Variants in CCDC77 observed in about 807,000 individuals in gnomAD.
CCDC77 encodes coiled-coil domain containing 77, also known as coiled-coil domain-containing protein 77.
In CCDC77, 56 loss-of-function variants were observed where a neutral mutation model predicts 66.8. The observed-to-expected ratio is 0.84, with a 90% confidence interval of 0.68 to 1.05. The LOEUF (loss-of-function observed/expected upper bound fraction) is 1.05, where lower values mean the gene tolerates loss of function less well. Ranked by LOEUF, CCDC77 falls within the 50% of genes least tolerant of loss-of-function variation. The probability of loss-of-function intolerance (pLI) is 0.00; values close to 1 mark genes in which losing one functional copy is unlikely to be tolerated. For synonymous variants in CCDC77, 196 were observed against 195.2 expected, an observed-to-expected ratio of 1.00 and a Z score of -0.03; for missense variants, 570 against 576.8, an observed-to-expected ratio of 0.99 and a Z score of 0.12.
Position 440,888 on chromosome 12 carries a change from A to G in CCDC77, c.1212A>G (p.Lys404=), listed in dbSNP as rs1242733089. The G allele has an allele frequency of 6.2e-7, 1 of 1,613,756 alleles. No homozygotes were observed. Among genetic ancestry groups the G allele is most frequent in the Non-Finnish European group, 8.5e-7 (1 of 1,180,048 alleles). ...KMGKRLQIMT[K]RYEALERRRI... ...GGAAGCGTTTACAGATAATGACAAAACGCTATGAGGCATTGGAGCGTCGAC... is the reference window on the plus strand; with the variant it reads ...GGAAGCGTTTACAGATAATGACAAAGCGCTATGAGGCATTGGAGCGTCGAC... The change falls in exon 12 of 13, where the codon AAA becomes AAG. Residue 404 remains lysine (K), a synonymous_variant. Transcript: ENST00000239830.
chr12:441,721 C>T (rs1945860187), intron 12 of CCDC77, 53 bp from the exon 13 acceptor site: 1 of 1,575,988 alleles, frequency 6.3e-7, no homozygotes, highest in Non-Finnish European at 8.6e-7. Flanking sequence ...GATATCGCTC[C>T]CCTGGCATAT....
Position 440,889 on chromosome 12 carries a change from C to A in CCDC77, c.1213C>A (p.Arg405Ser). ...MGKRLQIMTK[R>S]YEALERRRIL... ...GAAGCGTTTACAGATAATGACAAAA[C>A]GCTATGAGGCATTGGAGCGTCGACG... The change falls in exon 12 of 13, where the codon CGC becomes AGC. Residue 405 changes from arginine to serine, a missense_variant. Transcript: ENST00000239830. 2 of 1,613,820 alleles carry A rather than the reference C, an allele frequency of 1.2e-6. No homozygotes were observed.
intron 9 of CCDC77, 173 bp downstream of exon 9, chr12:433,495 C>A (rs1253302316): frequency 2.2e-6 from 3 of 1,393,892 alleles, no homozygotes; most frequent in African/African-American, 1.5e-5. Context: ...CTTTTCCAGG[C>A]GTGCTGTTGA....
chr12:418,710 C>G (rs761518736), intron 5 of CCDC77, 74 bp downstream of exon 5: 100 of 1,488,402 alleles, frequency 6.7e-5, no homozygotes, highest in African/African-American at 1.4e-4. Flanking sequence ...TTCATTCATT[C>G]ATTGATTTAG....
chr12:391,856 T>C (rs547715564), intron 1 of CCDC77, among the ~76,000 whole-genome samples: 13 of 152,186 alleles, frequency 8.5e-5, no homozygotes, highest in Admixed American at 2.6e-4. Flanking sequence ...GAGAAGACAG[T>C]GAATAGAAGG....
intron 4 of CCDC77, among the ~76,000 whole-genome samples, chr12:416,377 G>GTGTATA (rs1170807639): frequency 3.4e-4 from 7 of 20,588 alleles, no homozygotes; most frequent in Admixed American, 8.3e-4. Context: ...GTGTGTGTGT[G>GTGTATA]TATATATATA....
intron 4 of CCDC77, among the ~76,000 whole-genome samples, chr12:416,586 G>GT (rs1313646759): frequency 1.3e-5 from 2 of 149,498 alleles, no homozygotes; most frequent in East Asian, 2.0e-4. Context: ...GCTGATTTTT[G>GT]TTTTTTTGGT....
chr12:425,590 G>C (rs1945513759), intron 5 of CCDC77, among the ~76,000 whole-genome samples: 1 of 151,914 alleles, frequency 6.6e-6, no homozygotes, highest in Admixed American at 6.6e-5. Context: ...CTCCTTTCGG[G>C]CATTGTGCTT....
At chr12:433,856 T>C (rs1396572044) in intron 9 of CCDC77, among the ~76,000 whole-genome samples, 1 of 152,162 alleles carries the variant, frequency 6.6e-6, no homozygotes, top group Non-Finnish European at 1.5e-5. Flanking sequence ...TCTATGAAAT[T>C]TTTGTCCCAA....
At position 418,625 on chromosome 12, in the gene CCDC77, A is replaced by T; in HGVS notation, c.402A>T (p.Arg134=). The change falls in exon 5 of 13, where the codon CGA becomes CGT. Residue 134 remains arginine, a synonymous_variant. Coordinates refer to ENST00000239830, the MANE Select transcript of CCDC77 (RefSeq NM_032358.4). ...HVLRLYSEND[R]LRIRELEDKK... is the part of the protein sequence containing the mutation. ...TACGCCTCTACTCAGAAAATGACCG[A>T]CTGAGAATCAGGTACCAAATAGGAG... The T allele has an allele frequency of 7.4e-6, 12 of 1,613,678 alleles. No homozygotes were observed. Among genetic ancestry groups the T allele is most frequent in the Non-Finnish European group, 1.0e-5 (12 of 1,179,880 alleles).
intron 4 of CCDC77, among the ~76,000 whole-genome samples, chr12:416,407 A>ATG (rs1945283577): frequency 3.7e-5 from 2 of 53,896 alleles, no homozygotes; most frequent in African/African-American, 1.4e-4. Flanking sequence ...ATATATATAT[A>ATG]TATATATATT....
intron 5 of CCDC77, among the ~76,000 whole-genome samples, chr12:425,857 T>TTTTG (rs941610317): frequency 1.7e-4 from 26 of 152,088 alleles, no homozygotes; most frequent in East Asian, 7.7e-4. Context: ...TTTTTTTTGT[T>TTTTG]TTTGTTTGTT....
rs184637897 is a variant in CCDC77 at position 425,950 on chromosome 12, C to T, written c.414-2819C>T. On this transcript the variant is annotated intron_variant, in intron 5 of 12. Coordinates refer to ENST00000239830, the MANE Select transcript of CCDC77 (RefSeq NM_032358.4). ...CGTGATCGCAGCTCACTGCAACCTC[C>T]GCCTCCCAGATTGAAGTGATTCTCC... Among the ~76,000 whole-genome samples the T allele has an allele frequency of 8.9e-4, 135 of 152,244 alleles. 1 individual carries two copies. The highest frequency in any genetic ancestry group is 1.6e-3 in the Non-Finnish European group (108 of 68,020).
intron 5 of CCDC77, chr12:418,848 A>G (rs1945336739): frequency 1.9e-6 from 1 of 517,668 alleles, no homozygotes; most frequent in Admixed American, 3.4e-5. Context: ...ACAGGTGTGC[A>G]CTACAAGGCC....
intron 5 of CCDC77, among the ~76,000 whole-genome samples, chr12:427,101 T>C (rs559967021): frequency 4.7e-4 from 71 of 152,134 alleles, no homozygotes; most frequent in African/African-American, 1.0e-3. Flanking sequence ...AAAAATTAGC[T>C]GGGCATTGTG....
chr12:409,638 T>A, intron 3 of CCDC77: 1 of 544,910 alleles, frequency 1.8e-6, no homozygotes, highest in Non-Finnish European at 3.3e-6. Flanking sequence ...CACCTCAGCC[T>A]CCCAGAGTGC....
chr12:415,591 TA>T (rs1040537592), intron 4 of CCDC77, among the ~76,000 whole-genome samples: 2 of 150,944 alleles, frequency 1.3e-5, no homozygotes, highest in African/African-American at 4.8e-5. Flanking sequence ...ATGTAATAAA[TA>T]TTTTTATCAC....
chr12:437,345 G>T (rs1454317939), intron 9 of CCDC77, among the ~76,000 whole-genome samples: 2 of 152,148 alleles, frequency 1.3e-5, no homozygotes, highest in African/African-American at 2.4e-5. Context: ...ACAATCTCAT[G>T]GCATTGGGGC....
Position 438,535 on chromosome 12 carries a change from C to G in CCDC77, c.1022C>G (p.Ala341Gly), listed in dbSNP as rs1191602150. The G allele has an allele frequency of 6.2e-7, 1 of 1,612,252 alleles. No individual in the cohort carries two copies. Among genetic ancestry groups the G allele is most frequent in the Admixed American group, 1.7e-5 (1 of 59,942 alleles). The stretch of plus-strand genomic sequence containing the variant: ...CCCGTTATGCATGAGAGTCACCATG[C>G]TCAAAGTGAATATATTAAGGTAATG... ...VLPVMHESHH[A>G]QSEYIKSLKD... Residue 341 changes from alanine (A) to glycine (G), a missense_variant, in exon 10 of 13, where the codon GCT becomes GGT. Physicochemically the swap from Ala to Gly is moderately conservative, Grantham distance 60. Transcript: ENST00000239830.
Sources: allele counts gnomAD v4.1 joint callset (sites outside exome capture counted in the v4.1 genomes callset), GRCh38; gene constraint gnomAD v4.1.1; transcripts MANE v1.5; gene names NCBI Gene and HGNC (gene_info 2026-07-23, HGNC 2026-07-21).